PRIMA1: variants seen among roughly 807,000 people sequenced by gnomAD.
PRIMA1 encodes proline rich membrane anchor 1, also known as proline-rich membrane anchor 1.
A neutral mutation model predicts 17.5 loss-of-function variants in PRIMA1; 7 were observed. The observed-to-expected ratio is 0.40, with a 90% confidence interval of 0.23 to 0.75. The LOEUF (loss-of-function observed/expected upper bound fraction) is 0.75. Among genes scored for constraint, PRIMA1 ranks in the 30% least tolerant of loss-of-function variants. The pLI, the probability that PRIMA1 is intolerant of heterozygous loss-of-function variation, is 0.37. For synonymous variants in PRIMA1, 97 were observed against 77.9 expected, an observed-to-expected ratio of 1.25 and a Z score of -1.29; for missense variants, 200 against 201.8, an observed-to-expected ratio of 0.99 and a Z score of 0.05.
At chr14:93,765,174 C>T (rs1295100259) in intron 3 of PRIMA1, among the ~76,000 whole-genome samples, 3 of 151,894 alleles carry the variant, frequency 2.0e-5, no homozygotes, top group Non-Finnish European at 2.9e-5. Flanking sequence ...GAGACATGGC[C>T]CCACATGCTC....
At position 93,775,211 on chromosome 14, in the gene PRIMA1, C is replaced by G. The variant is rs1022718849; in HGVS notation, c.229+3965G>C. Among the ~76,000 whole-genome samples, 3 of 152,240 alleles carry G rather than the reference C, an allele frequency of 2.0e-5. No homozygotes were observed. In the South Asian group the frequency reaches 6.2e-4, roughly 31 times the overall value. ...CAAATGGGACAAGGACTGGCACATG[C>G]CTTGAGCCAGTGAATCCAGAGAGAT... On this transcript the variant is annotated intron_variant, in intron 3 of 4. Coordinates refer to ENST00000393140, the MANE Select transcript of PRIMA1 (RefSeq NM_178013.4).
At chr14:93,761,475 G>T (rs886760435) in intron 3 of PRIMA1, among the ~76,000 whole-genome samples, 5 of 152,156 alleles carry the variant, frequency 3.3e-5, no homozygotes, top group African/African-American at 1.2e-4. Context: ...ACTGTGCCCA[G>T]CTGTGTGACC....
At chr14:93,761,738 C>T (rs1421473977) in intron 3 of PRIMA1, among the ~76,000 whole-genome samples, 11 of 152,128 alleles carry the variant, frequency 7.2e-5, no homozygotes, top group Admixed American at 5.9e-4. Context: ...AGCATCTGGC[C>T]CATAGTCGGT....
At position 93,779,096 on chromosome 14, in the gene PRIMA1, C is replaced by A. The variant is rs1595225656; in HGVS notation, c.229+80G>T. The A allele has an allele frequency of 4.7e-6, 5 of 1,056,268 alleles. No individual in the cohort carries two copies. The East Asian group carries it at 1.4e-4, about 30-fold the overall frequency. 65.4% of individuals were successfully genotyped at this position (1,056,268 alleles called of 1,614,324 possible). ...AAAATTACCAAGGAGGCAGGGCTGC[C>A]CTCGGCCACACTCAGTGGATCTTCG... On this transcript the variant is annotated intron_variant, in intron 3 of 4. Coordinates refer to ENST00000393140, the MANE Select transcript of PRIMA1 (RefSeq NM_178013.4).
At chr14:93,762,778 T>A (rs577478361) in intron 3 of PRIMA1, among the ~76,000 whole-genome samples, 6 of 152,166 alleles carry the variant, frequency 3.9e-5, no homozygotes, top group Non-Finnish European at 8.8e-5. Flanking sequence ...AAACACCCTC[T>A]GTGGGCCTGT....
At chr14:93,764,410 C>T (rs1243526149) in intron 3 of PRIMA1, among the ~76,000 whole-genome samples, 1 of 151,730 alleles carries the variant, frequency 6.6e-6, no homozygotes, top group East Asian at 2.0e-4. Context: ...GTTTAGCCTG[C>T]AATTCCTGCA....
intron 3 of PRIMA1, among the ~76,000 whole-genome samples, chr14:93,762,313 T>C (rs1398312631): frequency 6.6e-6 from 1 of 152,202 alleles, no homozygotes; most frequent in East Asian, 1.9e-4. Flanking sequence ...GCCAGTCATT[T>C]ACTGGCGGCC....
rs2076241423 is a variant in PRIMA1, at chr14:93,748,598, G to C, written c.230-11228C>G. Reference sequence around the variant, plus strand: ...GAGCCTCTCTGCCCCCCTGGCTGGTGGCCGAGGCCCTTCCTGAGCCCTGGG... The same window carrying C: ...GAGCCTCTCTGCCCCCCTGGCTGGTCGCCGAGGCCCTTCCTGAGCCCTGGG... On this transcript the variant is annotated intron_variant, in intron 3 of 4. Transcript: ENST00000393140. Among the ~76,000 whole-genome samples the C allele has an allele frequency of 1.3e-5, 2 of 151,978 alleles. 1 individual carries two copies. The highest frequency in any genetic ancestry group is 4.2e-4 in the South Asian group (2 of 4,818).
rs2076019999 is a variant in PRIMA1 at position 93,718,911 on chromosome 14, A to G, written c.*2533T>C. On this transcript the variant is annotated 3_prime_UTR_variant, in exon 5 of 5. Transcript: ENST00000393140. Reference sequence around the variant, plus strand: ...AGCCTGAGGATCGGTGTGTGTCTAGAGACTGCCGGCTCATTTTAAATAAAA... The same window carrying G: ...AGCCTGAGGATCGGTGTGTGTCTAGGGACTGCCGGCTCATTTTAAATAAAA... 6.6e-6 allele frequency: 1 copy of G among 152,312 alleles called. No homozygotes were observed. The highest frequency in any genetic ancestry group is 2.4e-5 in the African/African-American group (1 of 41,410). 9.4% of individuals were successfully genotyped at this position (152,312 alleles called of 1,614,324 possible).
At chr14:93,747,752 G>A (rs1374010143) in intron 3 of PRIMA1, among the ~76,000 whole-genome samples, 1 of 150,978 alleles carries the variant, frequency 6.6e-6, no homozygotes, top group Non-Finnish European at 1.5e-5. Context: ...GAAGTGTGTG[G>A]AGTGCAAGTG....
intron 2 of PRIMA1, among the ~76,000 whole-genome samples, chr14:93,786,518 G>C (rs1369449580): frequency 6.6e-6 from 1 of 152,128 alleles, no homozygotes; most frequent in Non-Finnish European, 1.5e-5. Context: ...CTGGCAAGTG[G>C]TCTTGCCCGC....
intron 2 of PRIMA1, among the ~76,000 whole-genome samples, chr14:93,786,965 G>C (rs1885542165): frequency 6.6e-6 from 1 of 152,204 alleles, no homozygotes; most frequent in Non-Finnish European, 1.5e-5. Flanking sequence ...AAATTCCAGA[G>C]CTGACATCGA....
rs991938379 is a variant in PRIMA1, at chr14:93,777,464, G to A, written c.229+1712C>T. On this transcript the variant is annotated intron_variant, in intron 3 of 4. Transcript: ENST00000393140. ...CAATTCTCCTGCCTCAGCCTCCGGA[G>A]CAGCTGGGATTACAGGCGCCTGCCA... Among the ~76,000 whole-genome samples, 37 of 152,150 alleles carry A rather than the reference G, an allele frequency of 2.4e-4. 1 individual carries two copies. The highest frequency in any genetic ancestry group is 8.0e-4 in the African/African-American group (33 of 41,426).
intron 1 of PRIMA1, 135 bp from the exon 2 acceptor site, chr14:93,787,884 C>G: frequency 1.0e-6 from 1 of 965,536 alleles, no homozygotes; most frequent in South Asian, 1.7e-5. Flanking sequence ...CAAGCCTGCA[C>G]TTACACTCCA....
intron 3 of PRIMA1, among the ~76,000 whole-genome samples, chr14:93,750,136 C>T (rs751170159): frequency 2.6e-5 from 4 of 151,850 alleles, no homozygotes; most frequent in South Asian, 2.1e-4. Flanking sequence ...TGCAGTGTGC[C>T]GAGATCGTGC....
rs1467863628 is a variant in PRIMA1 at position 93,786,909 on chromosome 14, G to A, written c.93+717C>T. Among the ~76,000 whole-genome samples the A allele has an allele frequency of 2.0e-5, 3 of 152,336 alleles. No homozygotes were observed. In the East Asian group the frequency reaches 5.8e-4, roughly 29 times the overall value. On this transcript the variant is annotated intron_variant, in intron 2 of 4. Transcript: ENST00000393140. ...AAACTAACTCTCAGAGAGGGTAAGT[G>A]GGTTGCCTAAAGCCTCCCAGCTGGT...
At chr14:93,767,159 T>C (rs555543425) in intron 3 of PRIMA1, among the ~76,000 whole-genome samples, 65 of 152,168 alleles carry the variant, frequency 4.3e-4, no homozygotes, top group Non-Finnish European at 8.2e-4. Context: ...ACCAAGAAGG[T>C]GATACTGATC....
chr14:93,755,364 C>A (rs546872253), intron 3 of PRIMA1, among the ~76,000 whole-genome samples: 1 of 152,090 alleles, frequency 6.6e-6, no homozygotes, highest in African/African-American at 2.4e-5. Flanking sequence ...CTTTTTTTTA[C>A]GAGCTGAATG....
rs1373486472 is a variant in PRIMA1, at chr14:93,737,197, G to A, written c.359+44C>T. The stretch of plus-strand genomic sequence containing the variant: ...GTGTAGGAGCCCCAAGCCCAGCTGG[G>A]GTTCCCTTCGGCTTGAAGCTGGGTG... On this transcript the variant is annotated intron_variant, in intron 4 of 4. Transcript: ENST00000393140. 7.5e-6 allele frequency: 12 copies of A among 1,606,798 alleles called. No homozygotes were observed. The South Asian group carries it at 7.7e-5, about 10-fold the overall frequency.
Sources: allele counts gnomAD v4.1 joint callset (sites outside exome capture counted in the v4.1 genomes callset), GRCh38; gene constraint gnomAD v4.1.1; transcripts MANE v1.5; gene names NCBI Gene and HGNC (gene_info 2026-07-23, HGNC 2026-07-21).